KAZN: variants seen among roughly 807,000 people sequenced by gnomAD.
The protein encoded by KAZN is kazrin.
KAZN carries 40 observed loss-of-function variants against 87.4 expected under a neutral mutation model. The observed-to-expected ratio is 0.46, with a 90% CI of 0.36 to 0.60. KAZN has a LOEUF of 0.60. KAZN is among the 20% of genes least tolerant of loss of function. The probability of loss-of-function intolerance (pLI) is 0.00; values close to 1 mark genes in which losing one functional copy is unlikely to be tolerated. For missense variants in KAZN, 898 were observed against 1,073.9 expected (o/e 0.84, Z 2.29); for synonymous variants, 466 against 458.3 (o/e 1.02, Z -0.22).
chr1:15,011,880 G>A (rs998860109), intron 2 of KAZN, among the ~76,000 whole-genome samples: 2 of 152,112 alleles, frequency 1.3e-5, no homozygotes, highest in South Asian at 2.1e-4. Flanking sequence ...GTGGGAAGGC[G>A]GGTGGTGGAC....
intron 1 of KAZN, among the ~76,000 whole-genome samples, chr1:14,835,092 T>A (rs1203670261): frequency 6.6e-6 from 1 of 152,246 alleles, no homozygotes; most frequent in Non-Finnish European, 1.5e-5. Flanking sequence ...TGGCATTAAT[T>A]CATTAGAAAT....
At chr1:13,933,035 TAACATTCCAATGGTATATTTATCA>T (rs1640586750) in intron 1 of KAZN, among the ~76,000 whole-genome samples, 1 of 152,172 alleles carries the variant, frequency 6.6e-6, no homozygotes, top group African/African-American at 2.4e-5. Flanking sequence ...TGTTAATATC[TAACATTCCAATGGTATATTTATCA>T]AAACTAAGAA....
At chr1:14,027,647 G>T (rs1641138106) in intron 1 of KAZN, among the ~76,000 whole-genome samples, 1 of 152,038 alleles carries the variant, frequency 6.6e-6, no homozygotes, top group Admixed American at 6.6e-5. Context: ...TCTACAGTCA[G>T]CTGTCTCATC....
chr1:13,955,479 T>A (rs1161421657), intron 1 of KAZN, among the ~76,000 whole-genome samples: 1 of 152,162 alleles, frequency 6.6e-6, no homozygotes, highest in Non-Finnish European at 1.5e-5. Context: ...TTTGGTCTTT[T>A]GGGATTGTGA....
chr1:14,379,451 T>G (rs2101043142), intron 2 of KAZN, among the ~76,000 whole-genome samples: 1 of 152,094 alleles, frequency 6.6e-6, no homozygotes, highest in African/African-American at 2.4e-5. Context: ...GGGTCCCTGA[T>G]TTCAGGCCTT....
At chr1:14,682,468 A>T (rs936535047) in intron 1 of KAZN, among the ~76,000 whole-genome samples, 1 of 151,456 alleles carries the variant, frequency 6.6e-6, no homozygotes, top group Admixed American at 6.6e-5. Flanking sequence ...TTAAAAATTC[A>T]TTGTAGAGAC....
chr1:15,050,104 AG>A (rs1674174394), intron 4 of KAZN, among the ~76,000 whole-genome samples: 1 of 128,636 alleles, frequency 7.8e-6, no homozygotes, highest in African/African-American at 3.4e-5. Context: ...AGTAGAGTAG[AG>A]TAGAGTAGAG....
intron 1 of KAZN, among the ~76,000 whole-genome samples, chr1:14,877,882 T>G (rs922696154): frequency 6.6e-6 from 1 of 152,174 alleles, no homozygotes; most frequent in African/African-American, 2.4e-5. Context: ...CACAAATAAA[T>G]TTCATGTCTT....
intron 2 of KAZN, among the ~76,000 whole-genome samples, chr1:14,357,213 GCT>G (rs147630353): frequency 1.3e-5 from 2 of 151,900 alleles, no homozygotes; most frequent in Non-Finnish European, 2.9e-5. Flanking sequence ...TCATGATTTG[GCT>G]CTCTGTTTGT....
intron 2 of KAZN, among the ~76,000 whole-genome samples, chr1:15,019,415 G>A (rs1219210857): frequency 6.6e-6 from 1 of 152,170 alleles, no homozygotes; most frequent in Non-Finnish European, 1.5e-5. Flanking sequence ...TTGAGACAGA[G>A]TCTTGCTCTG....
chr1:14,246,319 C>T (rs527364438), intron 2 of KAZN, among the ~76,000 whole-genome samples: 3,659 of 142,732 alleles, frequency 0.026, 135 homozygotes, highest in African/African-American at 0.086. Context: ...GAGCATGTAC[C>T]CCAGAACTTA....
At chr1:14,227,772 C>T (rs1197342187) in intron 2 of KAZN, among the ~76,000 whole-genome samples, 8 of 152,142 alleles carry the variant, frequency 5.3e-5, no homozygotes, top group Admixed American at 2.0e-4. Flanking sequence ...AACAAAACAG[C>T]GGTCTTTCTA....
Position 14,407,758 on chromosome 1 carries a change from GTC to G in KAZN, c.250-191223_250-191222del, listed in dbSNP as rs574498295. ...GGACAAAAACACAAACAAAAACCATGTCTTTTTTTTTAAAAAGACAAATATGC... is the reference window on the plus strand; with the variant it reads ...GGACAAAAACACAAACAAAAACCATGTTTTTTTTTAAAAAGACAAATATGC... On this transcript the variant is annotated intron_variant, in intron 2 of 16. Coordinates refer to the KAZN transcript ENST00000636203. Among the ~76,000 whole-genome samples the G allele has an allele frequency of 2.9e-3, 448 of 152,108 alleles. 1 individual carries two copies. The highest frequency in any genetic ancestry group is 0.01 in the African/African-American group (434 of 41,510).
At chr1:14,648,419 G>T (rs1680970640) in intron 1 of KAZN, among the ~76,000 whole-genome samples, 1 of 152,206 alleles carries the variant, frequency 6.6e-6, no homozygotes, top group Admixed American at 6.5e-5. Flanking sequence ...GACATTTAGT[G>T]AGCATCGATT....
chr1:14,975,804 G>C (rs1373631475), intron 2 of KAZN, among the ~76,000 whole-genome samples: 1 of 152,062 alleles, frequency 6.6e-6, no homozygotes, highest in Non-Finnish European at 1.5e-5. Context: ...GGCCGAGATG[G>C]GCGGATCATG....
intron 1 of KAZN, among the ~76,000 whole-genome samples, chr1:13,956,051 G>C (rs1203426848): frequency 1.3e-5 from 2 of 152,214 alleles, no homozygotes; most frequent in African/African-American, 4.8e-5. Context: ...AAGGCTGCTG[G>C]ATGAATGAGT....
intron 2 of KAZN, among the ~76,000 whole-genome samples, chr1:14,504,302 G>T (rs1263420653): frequency 6.6e-6 from 1 of 152,158 alleles, no homozygotes; most frequent in Admixed American, 6.5e-5. Flanking sequence ...ATTTAAAGCT[G>T]GGGGAGAGAG....
At chr1:15,052,567 G>A (rs1674518562) in intron 4 of KAZN, among the ~76,000 whole-genome samples, 1 of 151,980 alleles carries the variant, frequency 6.6e-6, no homozygotes, top group African/African-American at 2.4e-5. Flanking sequence ...GTATGCATGT[G>A]TGTATTGCAT....
At chr1:14,839,042 GGCTTTA>G (rs1170148196) in intron 1 of KAZN, among the ~76,000 whole-genome samples, 1 of 152,190 alleles carries the variant, frequency 6.6e-6, no homozygotes, top group African/African-American at 2.4e-5. Flanking sequence ...AAGAATTCCA[GGCTTTA>G]GCACAGTGCA....
Sources: allele counts gnomAD v4.1 joint callset (sites outside exome capture counted in the v4.1 genomes callset), GRCh38; gene constraint gnomAD v4.1.1; transcripts MANE v1.5; gene names NCBI Gene and HGNC (gene_info 2026-07-23, HGNC 2026-07-21).